The following PTCHD4 variants were observed in gnomAD, a reference collection of about 807,000 sequenced individuals.
The protein encoded by PTCHD4 is patched domain containing 4.
In PTCHD4, 33 loss-of-function variants were observed where a neutral mutation model predicts 58.1. The observed-to-expected ratio is 0.57, with a 90% confidence interval of 0.43 to 0.76. PTCHD4 has a LOEUF of 0.76. PTCHD4 is among the 30% of genes least tolerant of loss of function. The pLI, the probability that PTCHD4 is intolerant of heterozygous loss-of-function variation, is 0.00. For synonymous variants in PTCHD4, 478 were observed against 409.6 expected, an observed-to-expected ratio of 1.17 and a Z score of -2.02; for missense variants, 1,058 against 1,027.1, an observed-to-expected ratio of 1.03 and a Z score of -0.41.
intron 1 of PTCHD4, among the ~76,000 whole-genome samples, chr6:48,079,970 A>ATTTTTTTTTTT (rs141629864): frequency 2.6e-5 from 2 of 76,148 alleles, no homozygotes; most frequent in African/African-American, 4.8e-5. Context: ...CCTTATGATG[A>ATTTTTTTTTTT]TTTTTTTTTT....
chr6:47,921,754 C>T (rs1581882006), intron 4 of PTCHD4, among the ~76,000 whole-genome samples: 1 of 152,032 alleles, frequency 6.6e-6, no homozygotes, highest in South Asian at 2.1e-4. Flanking sequence ...AGTCACTATG[C>T]CAGCCTTGGA....
At chr6:47,940,210 C>T (rs913943397) in intron 4 of PTCHD4, among the ~76,000 whole-genome samples, 1 of 152,050 alleles carries the variant, frequency 6.6e-6, no homozygotes. Flanking sequence ...AATGAAACTA[C>T]ATCTTCAATG....
rs987312887 is a variant in PTCHD4 at position 48,068,728 on chromosome 6, C to A, written c.6-87G>T. 1,487 of 1,322,630 alleles carry A rather than the reference C, an allele frequency of 1.1e-3. 1 individual carries two copies. The highest frequency in any genetic ancestry group is 1.4e-3 in the Non-Finnish European group (1,385 of 991,776). 81.9% of individuals were successfully genotyped at this position (1,322,630 alleles called of 1,614,324 possible). A position where few individuals can be genotyped will look rare whatever the true frequency, so the allele number is the denominator to read the frequency against. Reference sequence around the variant, plus strand: ...CCTGGGGCCAGTCCCCCCTCCCCACCGCCGCCGCCTCCCCACCCACTCCGC... The same window carrying A: ...CCTGGGGCCAGTCCCCCCTCCCCACAGCCGCCGCCTCCCCACCCACTCCGC... On this transcript the variant is annotated intron_variant, in intron 2 of 4. Transcript: ENST00000339488. This position sits in a 1 kb window ranked among gnomAD's most constrained non-coding sequence, Gnocchi z 4.2.
rs1763553262 is a variant in PTCHD4, at chr6:47,865,959, G to C, written c.*12344C>G. On this transcript the variant is annotated 3_prime_UTR_variant, in exon 5 of 5. Coordinates refer to ENST00000339488, the MANE Select transcript of PTCHD4 (RefSeq NM_001384253.1). ...TCGTTGACCCAGGAACATATTCTGT[G>C]CTTTTGTTGCATGTTATGGCTTTGC... 6.6e-6 allele frequency among the ~76,000 whole-genome samples: 1 copy of C among 151,826 alleles called. No homozygotes were observed. Among genetic ancestry groups the C allele is most frequent in the Non-Finnish European group, 1.5e-5 (1 of 67,862 alleles).
chr6:47,916,964 T>C (rs905184779), intron 4 of PTCHD4, among the ~76,000 whole-genome samples: 5 of 90,360 alleles, frequency 5.5e-5, no homozygotes, highest in Non-Finnish European at 1.1e-4. Flanking sequence ...AAGATCTTCA[T>C]TGAATTAAAA....
chr6:47,894,490 A>G (rs1012040713), intron 4 of PTCHD4, among the ~76,000 whole-genome samples: 5 of 152,194 alleles, frequency 3.3e-5, no homozygotes, highest in Admixed American at 2.0e-4. Context: ...AGTCTTCCTC[A>G]TATGCAAGAC....
At chr6:48,038,122 G>T (rs1763708131) in intron 3 of PTCHD4, among the ~76,000 whole-genome samples, 1 of 151,912 alleles carries the variant, frequency 6.6e-6, no homozygotes, top group African/African-American at 2.4e-5. Flanking sequence ...GTAACTTAGG[G>T]AAAAAGGAAT....
intron 3 of PTCHD4, among the ~76,000 whole-genome samples, chr6:48,041,207 G>A (rs1339979851): frequency 6.6e-6 from 1 of 152,060 alleles, no homozygotes; most frequent in African/African-American, 2.4e-5. Context: ...AGGTGAGAAT[G>A]TAATTTGACT....
At chr6:48,053,716 C>T (rs752060243) in intron 3 of PTCHD4, among the ~76,000 whole-genome samples, 1 of 151,948 alleles carries the variant, frequency 6.6e-6, no homozygotes, top group Non-Finnish European at 1.5e-5. Flanking sequence ...ATAAGCAATC[C>T]GGGACATCTT....
rs190488316 is a variant in PTCHD4 at position 47,920,209 on chromosome 6, T to A, written c.899-40273A>T. On this transcript the variant is annotated intron_variant, in intron 4 of 4. Transcript: ENST00000339488. ...TGGACCAAAGGTACCACAGGACATA[T>A]GTGAAGAGATTGGATTTGGGATATA... Among the ~76,000 whole-genome samples the A allele has an allele frequency of 9.2e-5, 14 of 152,212 alleles. No homozygotes were observed. The East Asian group carries it at 2.7e-3, about 29-fold the overall frequency.
intron 3 of PTCHD4, 105 bp from the exon 4 acceptor site, chr6:48,009,219 T>C: frequency 8.0e-7 from 1 of 1,247,028 alleles, no homozygotes. Flanking sequence ...TAGGTGCTAG[T>C]AATTGTGAAA....
At chr6:47,900,035 T>C (rs2114144161) in intron 4 of PTCHD4, 1 of 152,338 alleles carries the variant, frequency 6.6e-6, no homozygotes, top group South Asian at 2.1e-4. Context: ...CATTCATCAG[T>C]TGATGGACAT....
rs560756146 is a variant in PTCHD4 at position 47,912,696 on chromosome 6, G to T, written c.899-32760C>A. On this transcript the variant is annotated intron_variant, in intron 4 of 4. Transcript: ENST00000339488. Reference sequence around the variant, plus strand: ...AATTGATGAACTGTAACAATAGTAGGGAGATAATTTGAGGTAAAATAAACC... The same window carrying T: ...AATTGATGAACTGTAACAATAGTAGTGAGATAATTTGAGGTAAAATAAACC... Among the ~76,000 whole-genome samples the T allele has an allele frequency of 2.3e-3, 351 of 152,044 alleles. 1 individual carries two copies. Among genetic ancestry groups the T allele is most frequent in the South Asian group, 0.013 (64 of 4,818 alleles).
rs1028787477 is a variant in PTCHD4, at chr6:47,863,760, C to T, written c.*14543G>A. On this transcript the variant is annotated 3_prime_UTR_variant, in exon 5 of 5. Transcript: ENST00000339488. The stretch of plus-strand genomic sequence containing the variant: ...TGAAAATGACACATTCTTTTATACT[C>T]TACGCCTTGGTTCCATGTTCCTAAA... Among the ~76,000 whole-genome samples the T allele has an allele frequency of 5.3e-5, 8 of 151,956 alleles. No homozygotes were observed. The highest frequency in any genetic ancestry group is 8.8e-5 in the Non-Finnish European group (6 of 67,932).
chr6:47,869,449 G>A lies in PTCHD4; in HGVS notation c.*8854C>T, dbSNP rs1475923242. ...CAATGTAATGCAGTGATAAATTTTA[G>A]GTAGAATTTATTTGACCCGATTATA... On this transcript the variant is annotated 3_prime_UTR_variant, in exon 5 of 5. Coordinates refer to ENST00000339488, the MANE Select transcript of PTCHD4 (RefSeq NM_001384253.1). Among the ~76,000 whole-genome samples, 1 of 151,554 alleles carries A rather than the reference G, an allele frequency of 6.6e-6. No homozygotes were observed. The highest frequency in any genetic ancestry group is 2.4e-5 in the African/African-American group (1 of 41,326).
chr6:48,044,782 G>T (rs999971707), intron 3 of PTCHD4, among the ~76,000 whole-genome samples: 37 of 151,698 alleles, frequency 2.4e-4, no homozygotes, highest in African/African-American at 9.0e-4. Flanking sequence ...GAATTTTGAG[G>T]TTTAAATCTC....
At chr6:47,986,792 G>A (rs999182149) in intron 4 of PTCHD4, among the ~76,000 whole-genome samples, 1 of 152,090 alleles carries the variant, frequency 6.6e-6, no homozygotes, top group Non-Finnish European at 1.5e-5. Flanking sequence ...CCCATAATGT[G>A]CATACATCAA....
chr6:48,067,694 A>G (rs1021641179), intron 3 of PTCHD4, among the ~76,000 whole-genome samples: 3 of 152,148 alleles, frequency 2.0e-5, no homozygotes, highest in Non-Finnish European at 2.9e-5. Flanking sequence ...AAATACATTG[A>G]GCCCCATAAT....
intron 1 of PTCHD4, among the ~76,000 whole-genome samples, chr6:48,093,107 G>A (rs1582131677): frequency 6.6e-6 from 1 of 152,160 alleles, no homozygotes; most frequent in Non-Finnish European, 1.5e-5. Context: ...TTTGGCACTA[G>A]TATAAAACCT....
Sources: gnomAD v4.1 joint callset for allele counts (sites outside exome capture counted in the v4.1 genomes callset) on GRCh38, gnomAD v4.1.1 for gene constraint, Gnocchi (gnomAD v3.1) non-coding constraint, MANE v1.5 for transcripts, NCBI Gene and HGNC (gene_info 2026-07-23, HGNC 2026-07-21) for gene names.